Variants in FMO2 observed in about 807,000 individuals in gnomAD.
The protein encoded by FMO2 is flavin containing dimethylaniline monoxygenase 2, also known as flavin-containing monooxygenase 2.
A neutral mutation model predicts 41.6 loss-of-function variants in FMO2; 33 were observed. The ratio of observed to expected loss-of-function variants is 0.79; its 90% CI spans 0.60 to 1.06. The LOEUF (loss-of-function observed/expected upper bound fraction) is 1.06. Among genes scored for constraint, FMO2 ranks in the 50% least tolerant of loss-of-function variants. The pLI, the probability that FMO2 is intolerant of heterozygous loss-of-function variation, is 0.00. For synonymous variants in FMO2, 214 were observed against 219.6 expected, an observed-to-expected ratio of 0.97 and a Z score of 0.23; for missense variants, 619 against 632.9, an observed-to-expected ratio of 0.98 and a Z score of 0.23.
intron 5 of FMO2, among the ~76,000 whole-genome samples, chr1:171,200,853 T>G (rs1420029817): frequency 1.3e-5 from 2 of 152,194 alleles, no homozygotes; most frequent in African/African-American, 4.8e-5. Flanking sequence ...GGCTCTTTCA[T>G]GCTAGGAATA....
At chr1:171,199,055 A>G (rs1157230975) in intron 4 of FMO2, among the ~76,000 whole-genome samples, 1 of 151,990 alleles carries the variant, frequency 6.6e-6, no homozygotes, top group African/African-American at 2.4e-5. Flanking sequence ...GGCATGCACA[A>G]CCATGCCCAG....
chr1:171,186,584 C>G (rs143505741), intron 2 of FMO2, among the ~76,000 whole-genome samples: 30 of 152,250 alleles, frequency 2.0e-4, no homozygotes, highest in African/African-American at 7.0e-4. Context: ...AGAACGCACT[C>G]ACTATCATGA....
chr1:171,207,619 A>G, intron 7 of FMO2, 99 bp from the exon 8 acceptor site: 1 of 855,196 alleles, frequency 1.2e-6, no homozygotes. Context: ...CTGGTATGAC[A>G]TGGTTCAATG....
intron 5 of FMO2, among the ~76,000 whole-genome samples, chr1:171,201,896 G>A (rs1439798864): frequency 6.6e-6 from 1 of 152,096 alleles, no homozygotes; most frequent in Non-Finnish European, 1.5e-5. Flanking sequence ...AGAACAGCAT[G>A]GCAGAAACCT....
In FMO2 at chr1:171,209,283, T is replaced by C. The variant is rs529527458; in HGVS notation, c.*138T>C. The C allele has an allele frequency of 1.5e-4, 60 of 398,918 alleles. 1 individual carries two copies. Among genetic ancestry groups the C allele is most frequent in the African/African-American group, 1.1e-3 (53 of 48,596 alleles). The allele number at this position is 398,918 out of a possible 1,614,324, so 24.7% of individuals were successfully genotyped here. A position where few individuals can be genotyped will look rare whatever the true frequency, so the allele number is the denominator to read the frequency against. ...TAGGTAGTACAGGTAAGGGGGAAAT[T>C]GTAAAGAATTAGCAGAATTAGGCAT... On this transcript the variant is annotated 3_prime_UTR_variant, in exon 9 of 9. Coordinates refer to ENST00000209929, the MANE Select transcript of FMO2 (RefSeq NM_001460.5).
chr1:171,212,682 A>G lies in FMO2; in HGVS notation c.*3537A>G, dbSNP rs1659027772. ...AATAAAGATTGAAAATGCTTAACCCAGAAAGAATCCAGCATCCACATTATA... is the reference window on the plus strand; with the variant it reads ...AATAAAGATTGAAAATGCTTAACCCGGAAAGAATCCAGCATCCACATTATA... On this transcript the variant is annotated 3_prime_UTR_variant, in exon 9 of 9. Transcript: ENST00000209929. Among the ~76,000 whole-genome samples, 2 of 152,236 alleles carry G rather than the reference A, an allele frequency of 1.3e-5. No homozygotes were observed. The highest frequency in any genetic ancestry group is 2.4e-5 in the African/African-American group (1 of 41,478).
At position 171,205,329 on chromosome 1, in the gene FMO2, T is replaced by C; in HGVS notation, c.878T>C (p.Leu293Pro). Residue 293 changes from leucine (L) to proline (P), a missense_variant, in exon 7 of 9, where the codon CTC becomes CCC. Transcript: ENST00000209929. ...AATGATGATGTCCCAAGTCGTCTAC[T>C]CTGTGGAGCCATCAAGGTGAAATCT... ...VLNDDVPSRL[L>P]CGAIKVKSTV... 2 of 1,613,794 alleles carry C rather than the reference T, an allele frequency of 1.2e-6. No individual in the cohort carries two copies. The highest frequency in any genetic ancestry group is 1.7e-6 in the Non-Finnish European group (2 of 1,179,778).
At chr1:171,205,223 G>T in intron 6 of FMO2, 56 bp from the exon 7 acceptor site, 1 of 1,136,296 alleles carries the variant, frequency 8.8e-7, no homozygotes. Flanking sequence ...TATCAAGAGG[G>T]TTCAAGATTC....
intron 5 of FMO2, among the ~76,000 whole-genome samples, chr1:171,203,578 C>G (rs968761262): frequency 1.1e-4 from 17 of 151,986 alleles, no homozygotes; most frequent in Non-Finnish European, 1.5e-5. Flanking sequence ...AGCAGCAAAC[C>G]ACAACTGTAA....
intron 6 of FMO2, among the ~76,000 whole-genome samples, chr1:171,205,060 C>T (rs77422993): frequency 0.017 from 2,524 of 152,254 alleles, 37 homozygotes; most frequent in Middle Eastern, 0.044. Flanking sequence ...CTTTCACTCA[C>T]GTTGCCTACA....
intron 3 of FMO2, among the ~76,000 whole-genome samples, chr1:171,195,617 G>T (rs1658275378): frequency 6.6e-6 from 1 of 152,118 alleles, no homozygotes; most frequent in African/African-American, 2.4e-5. Flanking sequence ...CAACCCAGCA[G>T]TTGGAAAAAT....
intron 4 of FMO2, 45 bp downstream of exon 4, chr1:171,196,856 G>T: frequency 6.3e-7 from 1 of 1,575,012 alleles, no homozygotes; most frequent in Non-Finnish European, 8.7e-7. Flanking sequence ...AGGTTTCCAG[G>T]TACTTTATAT....
intron 5 of FMO2, among the ~76,000 whole-genome samples, chr1:171,201,967 T>C (rs751717089): frequency 3.2e-4 from 48 of 152,122 alleles, no homozygotes; most frequent in Middle Eastern, 3.2e-3. Flanking sequence ...TTATTATAAT[T>C]TAAGGTGAGA....
intron 2 of FMO2, among the ~76,000 whole-genome samples, chr1:171,187,773 C>T (rs1482019518): frequency 2.0e-5 from 3 of 151,766 alleles, no homozygotes. Context: ...ACACAAACAC[C>T]TAATTTAAAA....
chr1:171,208,816 A>G lies in FMO2; in HGVS notation c.1279A>G (p.Thr427Ala), dbSNP rs1298317445. The G allele has an allele frequency of 6.2e-7, 1 of 1,613,956 alleles. No individual in the cohort carries two copies. The highest frequency in any genetic ancestry group is 1.1e-5 in the South Asian group (1 of 91,072). ...AAGGTTTGGAGAAAGCCAGAGCCAG[A>G]CGTTGCAGACCAATTATGTTGACTA... ...IDLFGESQSQ[T>A]LQTNYVDYLD... The change falls in exon 9 of 9, where the codon ACG becomes GCG. Residue 427 changes from threonine to alanine, a missense_variant. Transcript: ENST00000209929.
At position 171,210,418 on chromosome 1, in the gene FMO2, G is replaced by A. The variant is rs1658932175; in HGVS notation, c.*1273G>A. 1 of 152,194 alleles carries A rather than the reference G, an allele frequency of 6.6e-6. No homozygotes were observed. The highest frequency in any genetic ancestry group is 2.4e-5 in the African/African-American group (1 of 41,450). The allele number at this position is 152,194 out of a possible 1,614,324, so 9.4% of individuals were successfully genotyped here. A position where few individuals can be genotyped will look rare whatever the true frequency, so the allele number is the denominator to read the frequency against. ...AACAATATGTAACCTCTAACATTTGGTAAAAGGAAGTATACTGGTCTGTTA... is the reference window on the plus strand; with the variant it reads ...AACAATATGTAACCTCTAACATTTGATAAAAGGAAGTATACTGGTCTGTTA... On this transcript the variant is annotated 3_prime_UTR_variant, in exon 9 of 9. Coordinates refer to ENST00000209929, the MANE Select transcript of FMO2 (RefSeq NM_001460.5).
intron 5 of FMO2, among the ~76,000 whole-genome samples, chr1:171,199,753 A>G (rs1324036402): frequency 2.6e-5 from 4 of 152,078 alleles, no homozygotes; most frequent in Non-Finnish European, 5.9e-5. Flanking sequence ...TGACCAGATG[A>G]TTTTCCATAT....
intron 2 of FMO2, among the ~76,000 whole-genome samples, chr1:171,189,204 C>T (rs1657974631): frequency 7.4e-6 from 1 of 135,138 alleles, no homozygotes; most frequent in African/African-American, 3.0e-5. Flanking sequence ...GTGGGAGTTA[C>T]CATGTACATT....
intron 2 of FMO2, among the ~76,000 whole-genome samples, chr1:171,190,344 A>T (rs1557974388): frequency 6.6e-6 from 1 of 152,202 alleles, no homozygotes; most frequent in Non-Finnish European, 1.5e-5. Context: ...TATTAGAAGA[A>T]TTCTTTATTA....
Sources: gnomAD v4.1 joint callset for allele counts (sites outside exome capture counted in the v4.1 genomes callset) on GRCh38, gnomAD v4.1.1 for gene constraint, MANE v1.5 for transcripts, NCBI Gene and HGNC (gene_info 2026-07-23, HGNC 2026-07-21) for gene names.